SLC41A2: variants seen among roughly 807,000 people sequenced by gnomAD.
The protein encoded by SLC41A2 is solute carrier family 41 member 2.
In SLC41A2, 32 loss-of-function variants were observed where a neutral mutation model predicts 58.3. The observed-to-expected ratio is 0.55, with a 90% CI of 0.41 to 0.74. The LOEUF is 0.74. Ranked by LOEUF, SLC41A2 falls within the 30% of genes least tolerant of loss-of-function variation. The pLI, the probability that SLC41A2 is intolerant of heterozygous loss-of-function variation, is 0.00. For missense variants in SLC41A2, 514 were observed against 680.6 expected (o/e 0.76, Z 2.72); for synonymous variants, 190 against 235.0 (o/e 0.81, Z 1.75).
At chr12:104,884,611 C>T (rs144258067) in intron 6 of SLC41A2, among the ~76,000 whole-genome samples, 1 of 152,238 alleles carries the variant, frequency 6.6e-6, no homozygotes, top group Non-Finnish European at 1.5e-5. Flanking sequence ...GAGACATAAC[C>T]CTTTATCCTC....
intron 4 of SLC41A2, among the ~76,000 whole-genome samples, chr12:104,893,616 C>A (rs1156522621): frequency 6.6e-6 from 1 of 152,148 alleles, no homozygotes; most frequent in African/African-American, 2.4e-5. Flanking sequence ...AAGTGACCAT[C>A]AACAGATGAA....
At chr12:104,860,013 G>A (rs1273489669) in intron 8 of SLC41A2, among the ~76,000 whole-genome samples, 1 of 152,054 alleles carries the variant, frequency 6.6e-6, no homozygotes, top group Middle Eastern at 3.2e-3. Context: ...AAAGTACTGG[G>A]ATTACAGGGA....
At chr12:104,832,647 T>G (rs2042078996) in intron 10 of SLC41A2, among the ~76,000 whole-genome samples, 1 of 152,164 alleles carries the variant, frequency 6.6e-6, no homozygotes, top group Non-Finnish European at 1.5e-5. Context: ...TACAATGGTG[T>G]TGTATTTTCT....
At chr12:104,905,853 C>G (rs867328155) in intron 3 of SLC41A2, among the ~76,000 whole-genome samples, 2 of 152,250 alleles carry the variant, frequency 1.3e-5, no homozygotes, top group Non-Finnish European at 2.9e-5. Flanking sequence ...CCAGCTGGCC[C>G]GCAAGCGCCG....
At chr12:104,883,301 A>G (rs918731628) in intron 6 of SLC41A2, among the ~76,000 whole-genome samples, 3 of 152,192 alleles carry the variant, frequency 2.0e-5, no homozygotes, top group East Asian at 1.9e-4. Context: ...GTTATTACCA[A>G]TCTTCTGAAG....
At chr12:104,834,702 C>G (rs922362373) in intron 10 of SLC41A2, among the ~76,000 whole-genome samples, 6 of 151,294 alleles carry the variant, frequency 4.0e-5, no homozygotes, top group African/African-American at 1.5e-4. Context: ...AAAGACATAA[C>G]TACATCATTT....
chr12:104,892,295 C>CAAAAA (rs1392518962), intron 4 of SLC41A2, among the ~76,000 whole-genome samples: 26 of 106,150 alleles, frequency 2.4e-4, no homozygotes, highest in African/African-American at 4.0e-4. Context: ...GACCTCATCT[C>CAAAAA]AAAAAAAAAA....
intron 10 of SLC41A2, among the ~76,000 whole-genome samples, chr12:104,817,586 G>A (rs1050210735): frequency 6.8e-6 from 1 of 147,178 alleles, no homozygotes; most frequent in African/African-American, 2.5e-5. Context: ...TTTTTTCTTT[G>A]CCTCTCCTCT....
At chr12:104,872,293 T>C (rs142215166) in intron 6 of SLC41A2, among the ~76,000 whole-genome samples, 1 of 152,280 alleles carries the variant, frequency 6.6e-6, no homozygotes, top group African/African-American at 2.4e-5. Flanking sequence ...TCAGGATGAC[T>C]ACAAAAAATA....
chr12:104,892,328 A>AAC lies in SLC41A2; in HGVS notation c.735+2945_735+2946insGT, dbSNP rs1555209870. Among the ~76,000 whole-genome samples the AAC allele has an allele frequency of 7.8e-4, 99 of 126,888 alleles. 11 individuals carry two copies. Among genetic ancestry groups the AAC allele is most frequent in the African/African-American group, 3.4e-3 (92 of 26,902 alleles). 83.2% of individuals were successfully genotyped at this position (126,888 alleles called of 152,430 possible). A position where few individuals can be genotyped will look rare whatever the true frequency, so the allele number is the denominator to read the frequency against. Reference sequence around the variant, plus strand: ...AAATAAAATAAAATAAAATAAAATAAAATAAAATATTGATGCAAGAAATTG... The same window carrying AAC: ...AAATAAAATAAAATAAAATAAAATAAACAATAAAATATTGATGCAAGAAATTG... On this transcript the variant is annotated intron_variant, in intron 4 of 10. Coordinates refer to ENST00000258538, the MANE Select transcript of SLC41A2 (RefSeq NM_001352171.3).
chr12:104,853,239 T>C (rs2042865676), intron 8 of SLC41A2, among the ~76,000 whole-genome samples: 1 of 152,242 alleles, frequency 6.6e-6, no homozygotes, highest in Non-Finnish European at 1.5e-5. Flanking sequence ...TCATGGAATA[T>C]ATTTCAAATT....
intron 1 of SLC41A2, among the ~76,000 whole-genome samples, chr12:104,941,869 A>G (rs1214808561): frequency 6.6e-6 from 1 of 151,970 alleles, no homozygotes; most frequent in Non-Finnish European, 1.5e-5. Context: ...CCCAGAACTT[A>G]AAGTAAAATT....
rs112565793 is a variant in SLC41A2, at chr12:104,834,063, C to T, written c.1536+10409G>A. ...TCACCTTTATCAGGCTTTACAAGAC[C>T]GAAAAGAGCTCTTTCCCAATGCCTC... On this transcript the variant is annotated intron_variant, in intron 10 of 10. Transcript: ENST00000258538. The T allele has an allele frequency of 7.6e-4, 753 of 985,184 alleles. 6 individuals carry two copies. The African/African-American group carries it at 0.012, about 16-fold the overall frequency. The allele number at this position is 985,184 out of a possible 1,614,324, so 61.0% of individuals were successfully genotyped here.
At chr12:104,831,324 A>G (rs929693480) in intron 10 of SLC41A2, among the ~76,000 whole-genome samples, 2 of 151,690 alleles carry the variant, frequency 1.3e-5, no homozygotes, top group African/African-American at 4.8e-5. Flanking sequence ...CGATTCTCCC[A>G]CCTCAGTCTC....
intron 10 of SLC41A2, among the ~76,000 whole-genome samples, chr12:104,831,027 T>C (rs1041256719): frequency 6.6e-5 from 10 of 152,192 alleles, no homozygotes; most frequent in African/African-American, 2.2e-4. Flanking sequence ...CCCTGATGTA[T>C]ATAGTATAAT....
chr12:104,832,314 T>C (rs1273911857), intron 10 of SLC41A2, among the ~76,000 whole-genome samples: 4 of 152,222 alleles, frequency 2.6e-5, no homozygotes, highest in Admixed American at 2.0e-4. Flanking sequence ...TTAGTTTCTT[T>C]AATGCCAATC....
chr12:104,813,051 C>T (rs374468210), intron 10 of SLC41A2, among the ~76,000 whole-genome samples: 21 of 151,922 alleles, frequency 1.4e-4, no homozygotes, highest in African/African-American at 4.6e-4. Flanking sequence ...TGGTGGTGCA[C>T]GCCTGTAATC....
intron 6 of SLC41A2, among the ~76,000 whole-genome samples, chr12:104,867,133 C>G (rs1282225808): frequency 6.6e-6 from 1 of 152,138 alleles, no homozygotes; most frequent in African/African-American, 2.4e-5. Context: ...ATAGTACAGG[C>G]ATTCCATAAA....
chr12:104,818,939 G>A (rs1260158902), intron 10 of SLC41A2, among the ~76,000 whole-genome samples: 1 of 151,984 alleles, frequency 6.6e-6, no homozygotes, highest in Non-Finnish European at 1.5e-5. Context: ...AGTGGGAGAT[G>A]TTATAACCCA....
Sources: allele counts gnomAD v4.1 joint callset (sites outside exome capture counted in the v4.1 genomes callset), GRCh38; gene constraint gnomAD v4.1.1; transcripts MANE v1.5; gene names NCBI Gene and HGNC (gene_info 2026-07-23, HGNC 2026-07-21).